Variants in GALNT17 observed in about 807,000 individuals in gnomAD.
GALNT17 encodes the protein polypeptide N-acetylgalactosaminyltransferase 17, also known as UDP-GalNAc:polypeptide N-acetylgalactosaminyltransferase-like 3.
In GALNT17, 29 loss-of-function variants were observed where a neutral mutation model predicts 63.7. The observed-to-expected ratio is 0.46, with a 90% CI of 0.34 to 0.62. The LOEUF (loss-of-function observed/expected upper bound fraction) is 0.62, where lower values mean the gene tolerates loss of function less well. GALNT17 is among the 20% of genes least tolerant of loss of function. The pLI, the probability that GALNT17 is intolerant of heterozygous loss-of-function variation, is 0.01. For synonymous variants in GALNT17, 305 were observed against 318.3 expected, an observed-to-expected ratio of 0.96 and a Z score of 0.45; for missense variants, 603 against 799.6, an observed-to-expected ratio of 0.75 and a Z score of 2.97.
chr7:71,709,293 G>A (rs1584152992), intron 9 of GALNT17, among the ~76,000 whole-genome samples: 1 of 152,134 alleles, frequency 6.6e-6, no homozygotes, highest in East Asian at 1.9e-4. Context: ...GTTTTGATTT[G>A]CATGTGTCTG....
chr7:71,332,619 A>G (rs528559053), intron 1 of GALNT17, among the ~76,000 whole-genome samples: 2 of 152,308 alleles, frequency 1.3e-5, no homozygotes, highest in South Asian at 4.1e-4. Flanking sequence ...CTTGCTGTGA[A>G]TAGAATTGTC....
At chr7:71,351,863 C>T (rs957942484) in intron 2 of GALNT17, among the ~76,000 whole-genome samples, 16 of 152,062 alleles carry the variant, frequency 1.1e-4, no homozygotes, top group African/African-American at 3.6e-4. Context: ...AGCGAAGTGT[C>T]CTGATCTGGG....
intron 2 of GALNT17, among the ~76,000 whole-genome samples, chr7:71,352,360 A>G (rs10268327): frequency 0.3 from 45,559 of 151,966 alleles, 6,998 homozygotes; most frequent in East Asian, 0.48. Context: ...AGCAACATGA[A>G]AAAGAACTAA....
At chr7:71,364,189 A>T (rs1215271716) in intron 2 of GALNT17, among the ~76,000 whole-genome samples, 1 of 152,064 alleles carries the variant, frequency 6.6e-6, no homozygotes, top group Non-Finnish European at 1.5e-5. Context: ...CCCAAAGTCC[A>T]TTGTATCATT....
chr7:71,651,117 T>C (rs1053553210), intron 6 of GALNT17, among the ~76,000 whole-genome samples: 7 of 150,162 alleles, frequency 4.7e-5, no homozygotes, highest in Non-Finnish European at 8.8e-5. Flanking sequence ...GTGTTTGAAC[T>C]GTCAGAGTCG....
At chr7:71,352,797 G>A (rs768618922) in intron 2 of GALNT17, among the ~76,000 whole-genome samples, 5 of 152,090 alleles carry the variant, frequency 3.3e-5, no homozygotes, top group Non-Finnish European at 7.4e-5. Context: ...TGTGGAGAAG[G>A]AACAACTAAT....
At chr7:71,687,932 G>C (rs1230626035) in intron 9 of GALNT17, among the ~76,000 whole-genome samples, 2 of 151,882 alleles carry the variant, frequency 1.3e-5, no homozygotes, top group African/African-American at 2.4e-5. Context: ...TCCTAGGCTC[G>C]AGTGATTCTC....
intron 1 of GALNT17, among the ~76,000 whole-genome samples, chr7:71,259,887 C>T (rs78049675): frequency 2.0e-5 from 3 of 151,968 alleles, no homozygotes; most frequent in South Asian, 2.1e-4. Flanking sequence ...GTGATCCACC[C>T]GCCTCGGCCT....
At chr7:71,679,824 T>C (rs1345039495) in intron 9 of GALNT17, among the ~76,000 whole-genome samples, 1 of 151,942 alleles carries the variant, frequency 6.6e-6, no homozygotes, top group African/African-American at 2.4e-5. Context: ...AGTTTTTGGG[T>C]CAGATCTCCG....
intron 6 of GALNT17, among the ~76,000 whole-genome samples, chr7:71,599,828 C>T (rs1013891709): frequency 3.9e-5 from 6 of 151,962 alleles, no homozygotes; most frequent in East Asian, 1.9e-4. Context: ...GACAAATATG[C>T]GATAATAATT....
intron 2 of GALNT17, among the ~76,000 whole-genome samples, chr7:71,336,001 C>G (rs1791894395): frequency 1.2e-5 from 1 of 86,298 alleles, no homozygotes; most frequent in African/African-American, 3.5e-5. Context: ...TCTTCTTCTT[C>G]TTCTTCCTTC....
intron 1 of GALNT17, among the ~76,000 whole-genome samples, chr7:71,250,001 G>GT (rs1309319530): frequency 6.6e-6 from 1 of 152,182 alleles, no homozygotes; most frequent in Non-Finnish European, 1.5e-5. Context: ...TAGAAAATCT[G>GT]TTTCCAAGTT....
rs917113081 is a variant in GALNT17 at position 71,269,935 on chromosome 7, ACT to A, written c.239-65610_239-65609del. On this transcript the variant is annotated intron_variant, in intron 1 of 10. Transcript: ENST00000333538. ...TAGACTCAGGAAGAGAGATTAATAC[ACT>A]CTCTGAAACGCTTTGTACTGATTTA... 2.1e-4 allele frequency among the ~76,000 whole-genome samples: 32 copies of A among 151,656 alleles called. 1 individual carries two copies. Among genetic ancestry groups the A allele is most frequent in the African/African-American group, 7.8e-4 (32 of 41,290 alleles).
At chr7:71,207,604 G>A (rs1192680337) in intron 1 of GALNT17, among the ~76,000 whole-genome samples, 3 of 152,136 alleles carry the variant, frequency 2.0e-5, no homozygotes, top group Admixed American at 6.6e-5. Flanking sequence ...GTCATGCCAC[G>A]TGGACTGCCT....
chr7:71,178,877 G>A (rs150724468), intron 1 of GALNT17, among the ~76,000 whole-genome samples: 71 of 151,980 alleles, frequency 4.7e-4, no homozygotes, highest in African/African-American at 1.6e-3. Flanking sequence ...TTTTTTAAAT[G>A]AATTTTTTCC....
intron 6 of GALNT17, among the ~76,000 whole-genome samples, chr7:71,649,898 G>A (rs1790731614): frequency 6.6e-6 from 1 of 152,200 alleles, no homozygotes; most frequent in Admixed American, 6.5e-5. Context: ...GAGTAATAGA[G>A]AAGAGTTCAG....
rs555911706 is a variant in GALNT17 at position 71,655,972 on chromosome 7, T to C, written c.1081-9439T>C. The stretch of plus-strand genomic sequence containing the variant: ...CTAGTCTATTTCCTTTTCCTTTCTT[T>C]AATTTGTTCCTCTTTTCCCACCTCC... On this transcript the variant is annotated intron_variant, in intron 6 of 10. Transcript: ENST00000333538. Among the ~76,000 whole-genome samples, 10 of 152,312 alleles carry C rather than the reference T, an allele frequency of 6.6e-5. No individual in the cohort carries two copies. The East Asian group carries it at 1.9e-3, about 29-fold the overall frequency.
At chr7:71,367,668 C>A (rs965285646) in intron 2 of GALNT17, among the ~76,000 whole-genome samples, 3 of 152,142 alleles carry the variant, frequency 2.0e-5, no homozygotes, top group African/African-American at 7.2e-5. Context: ...ACTGACGAGT[C>A]CACCAGCTCC....
At chr7:71,201,151 C>T (rs1003860090) in intron 1 of GALNT17, among the ~76,000 whole-genome samples, 1 of 150,390 alleles carries the variant, frequency 6.6e-6, no homozygotes, top group Non-Finnish European at 1.5e-5. Flanking sequence ...CAGTAATTGG[C>T]TTATTAAAGG....
Sources: allele counts gnomAD v4.1 joint callset (sites outside exome capture counted in the v4.1 genomes callset), GRCh38; gene constraint gnomAD v4.1.1; transcripts MANE v1.5; gene names NCBI Gene and HGNC (gene_info 2026-07-23, HGNC 2026-07-21).